The following RIMS2 variants were observed in gnomAD, a reference collection of about 807,000 sequenced individuals.
The protein encoded by RIMS2 is regulating synaptic membrane exocytosis protein 2.
In RIMS2, 59 loss-of-function variants were observed where a neutral mutation model predicts 174.4. The observed-to-expected ratio is 0.34, with a 90% CI of 0.27 to 0.42. The LOEUF is 0.42. Among genes scored for constraint, RIMS2 ranks in the 10% least tolerant of loss-of-function variants. The pLI is 1.00. For synonymous variants in RIMS2, 606 were observed against 572.5 expected (o/e 1.06, Z -0.84); for missense variants, 1,620 against 1,666.3 (o/e 0.97, Z 0.48).
chr8:104,182,774 A>T (rs2098947513), intron 19 of RIMS2, among the ~76,000 whole-genome samples: 1 of 151,670 alleles, frequency 6.6e-6, no homozygotes, highest in Admixed American at 6.6e-5. Flanking sequence ...TTTAGACTCT[A>T]TCGGTTTTAT....
intron 1 of RIMS2, chr8:103,568,623 A>G (rs1587941327): frequency 1.2e-5 from 7 of 590,586 alleles, no homozygotes; most frequent in Admixed American, 8.1e-5. Context: ...TGACTGTGCA[A>G]TATCAGCAAG....
intron 2 of RIMS2, among the ~76,000 whole-genome samples, chr8:103,752,361 G>A (rs1303118163): frequency 1.3e-5 from 2 of 152,182 alleles, no homozygotes; most frequent in African/African-American, 4.8e-5. Context: ...TAGCCTTCTA[G>A]TATAGTTAGA....
At chr8:103,552,594 C>A (rs562679636) in intron 1 of RIMS2, among the ~76,000 whole-genome samples, 5 of 152,138 alleles carry the variant, frequency 3.3e-5, no homozygotes, top group Admixed American at 3.3e-4. Flanking sequence ...CCAAAATAGA[C>A]AAATGGGATC....
intron 3 of RIMS2, among the ~76,000 whole-genome samples, chr8:103,824,390 A>G (rs770484419): frequency 2.8e-4 from 43 of 152,132 alleles, no homozygotes; most frequent in South Asian, 6.2e-4. Flanking sequence ...TCCATGTATG[A>G]ATTACTCACA....
chr8:103,984,207 G>A (rs2094167204), intron 16 of RIMS2, among the ~76,000 whole-genome samples: 1 of 151,734 alleles, frequency 6.6e-6, no homozygotes, highest in South Asian at 2.1e-4. Flanking sequence ...GTAGACAAAA[G>A]GGATCATATC....
chr8:103,906,448 G>A (rs2074425518), intron 4 of RIMS2, among the ~76,000 whole-genome samples: 1 of 152,060 alleles, frequency 6.6e-6, no homozygotes, highest in African/African-American at 2.4e-5. Flanking sequence ...GTTTCATCAG[G>A]TTGGCCAGGC....
chr8:103,985,310 C>T (rs2094259419), intron 16 of RIMS2, among the ~76,000 whole-genome samples: 1 of 151,510 alleles, frequency 6.6e-6, no homozygotes, highest in East Asian at 1.9e-4. Context: ...CCCGTCTCTA[C>T]TAAAAATACA....
rs549168521 is a variant in RIMS2, at chr8:104,218,732, T to C, written c.3335-26184T>C. On this transcript the variant is annotated intron_variant, in intron 19 of 23. Coordinates refer to ENST00000504942, the Ensembl canonical transcript of RIMS2. The stretch of plus-strand genomic sequence containing the variant: ...ATTTAAAATAAGGTTCGCACTCCTG[T>C]GAGGCAGAGCTCAGGTGGTAATGCA... Among the ~76,000 whole-genome samples, 70 of 152,262 alleles carry C rather than the reference T, an allele frequency of 4.6e-4. 1 individual carries two copies. Among genetic ancestry groups the C allele is most frequent in the Non-Finnish European group, 9.4e-4 (64 of 68,012 alleles).
chr8:103,564,769 C>T (rs978454262), intron 1 of RIMS2, among the ~76,000 whole-genome samples: 3 of 152,180 alleles, frequency 2.0e-5, no homozygotes, highest in Non-Finnish European at 2.9e-5. Context: ...GTGGGTCTCC[C>T]TCTCCCAGTC....
chr8:104,222,667 T>C (rs1257537655), intron 19 of RIMS2, among the ~76,000 whole-genome samples: 1 of 152,242 alleles, frequency 6.6e-6, no homozygotes, highest in Non-Finnish European at 1.5e-5. Context: ...GTAATGTTGC[T>C]TATAAACTAC....
At chr8:104,054,705 C>A (rs938471732) in intron 19 of RIMS2, among the ~76,000 whole-genome samples, 1 of 152,042 alleles carries the variant, frequency 6.6e-6, no homozygotes, top group African/African-American at 2.4e-5. Flanking sequence ...ATATTAGAAT[C>A]TTACATCACA....
At chr8:103,676,115 A>G (rs2096806552) in intron 1 of RIMS2, among the ~76,000 whole-genome samples, 1 of 152,202 alleles carries the variant, frequency 6.6e-6, no homozygotes, top group South Asian at 2.1e-4. Context: ...CCTTAAACAA[A>G]GGTAAGACTT....
chr8:103,978,555 G>T (rs1195989043), intron 16 of RIMS2, among the ~76,000 whole-genome samples: 3 of 152,208 alleles, frequency 2.0e-5, no homozygotes, highest in African/African-American at 4.8e-5. Context: ...TTGCTCAATT[G>T]TATGCTCATA....
At chr8:103,753,949 G>C (rs565618362) in intron 2 of RIMS2, among the ~76,000 whole-genome samples, 3 of 152,170 alleles carry the variant, frequency 2.0e-5, no homozygotes, top group Admixed American at 6.5e-5. Flanking sequence ...TCTGATCTTA[G>C]TTATTTCTTG....
chr8:104,150,088 T>C (rs1251578117), intron 19 of RIMS2, among the ~76,000 whole-genome samples: 1 of 152,142 alleles, frequency 6.6e-6, no homozygotes, highest in East Asian at 1.9e-4. Context: ...ATATGATACA[T>C]GTTGGCCTTT....
intron 6 of RIMS2, 22 bp downstream of exon 9, chr8:103,912,194 A>C (rs372070159): frequency 3.1e-5 from 49 of 1,592,950 alleles, no homozygotes; most frequent in Non-Finnish European, 4.2e-5. Context: ...AAAGTATGAG[A>C]TTTTGGCTCT....
intron 3 of RIMS2, among the ~76,000 whole-genome samples, chr8:103,822,207 T>C (rs1307443114): frequency 6.6e-6 from 1 of 151,792 alleles, no homozygotes; most frequent in Non-Finnish European, 1.5e-5. Flanking sequence ...CCTTTTCAAG[T>C]AGTTTTTAAA....
At position 104,166,727 on chromosome 8, in the gene RIMS2, T is replaced by G. The variant is rs118052109; in HGVS notation, c.3335-78189T>G. Among the ~76,000 whole-genome samples the G allele has an allele frequency of 6.0e-3, 916 of 151,566 alleles. 2 individuals carry two copies. The highest frequency in any genetic ancestry group is 0.011 in the Admixed American group (173 of 15,214). On this transcript the variant is annotated intron_variant, in intron 19 of 23. Transcript: ENST00000504942. ...AGGTAGAGTTACACAGTTTTATATT[T>G]ATAACTGTATAAATATTTATATTTA... is the stretch of plus-strand genomic sequence containing the variant.
intron 12 of RIMS2, among the ~76,000 whole-genome samples, chr8:103,935,673 C>G (rs1189740080): frequency 6.6e-6 from 1 of 152,174 alleles, no homozygotes; most frequent in Non-Finnish European, 1.5e-5. Flanking sequence ...GTATTCCTAT[C>G]CAGCCAGTGA....
Sources: allele counts gnomAD v4.1 joint callset (sites outside exome capture counted in the v4.1 genomes callset), GRCh38; gene constraint gnomAD v4.1.1; transcripts MANE v1.5; gene names NCBI Gene and HGNC (gene_info 2026-07-23, HGNC 2026-07-21).